Variants in TTC27 observed in about 807,000 individuals in gnomAD.
TTC27 encodes tetratricopeptide repeat protein 27.
A neutral mutation model predicts 115.9 loss-of-function variants in TTC27; 79 were observed. The ratio of observed to expected loss-of-function variants is 0.68; its 90% CI spans 0.57 to 0.82. The LOEUF is 0.82. Ranked by LOEUF, TTC27 falls within the 40% of genes least tolerant of loss-of-function variation. The pLI, the probability that TTC27 is intolerant of heterozygous loss-of-function variation, is 0.00. For synonymous variants in TTC27, 401 were observed against 356.0 expected (o/e 1.13, Z -1.42); for missense variants, 1,054 against 993.1 (o/e 1.06, Z -0.82).
At chr2:32,631,145 A>G (rs1347138733) in intron 2 of TTC27, among the ~76,000 whole-genome samples, 2 of 152,170 alleles carry the variant, frequency 1.3e-5, no homozygotes. Flanking sequence ...CTATACAAAA[A>G]TACAAAAATT....
At chr2:32,737,525 G>T (rs1668487100) in intron 12 of TTC27, among the ~76,000 whole-genome samples, 1 of 152,086 alleles carries the variant, frequency 6.6e-6, no homozygotes, top group Admixed American at 6.5e-5. Context: ...TCAACCTTTT[G>T]CCATCACCCT....
chr2:32,645,655 C>G, intron 4 of TTC27, among the ~76,000 whole-genome samples: 1 of 152,154 alleles, frequency 6.6e-6, no homozygotes, highest in East Asian at 1.9e-4. Context: ...CCCATTAACT[C>G]GTCATTTAGC....
intron 12 of TTC27, among the ~76,000 whole-genome samples, chr2:32,748,922 A>G (rs1668919404): frequency 6.6e-6 from 1 of 152,066 alleles, no homozygotes; most frequent in Non-Finnish European, 1.5e-5. Context: ...TCCTGACCTC[A>G]GGAGATCTGC....
At chr2:32,780,252 C>G (rs1344114218) in intron 14 of TTC27, 1 of 275,736 alleles carries the variant, frequency 3.6e-6, no homozygotes, top group Non-Finnish European at 7.7e-6. Context: ...AAGGGGAGTA[C>G]TGCCATCTTA....
At chr2:32,766,203 A>G in intron 13 of TTC27, among the ~76,000 whole-genome samples, 1 of 152,180 alleles carries the variant, frequency 6.6e-6, no homozygotes, top group East Asian at 1.9e-4. Flanking sequence ...ATATTTATGG[A>G]GTACAATTTT....
chr2:32,633,323 G>A (rs1244563804), intron 2 of TTC27, among the ~76,000 whole-genome samples: 1 of 152,092 alleles, frequency 6.6e-6, no homozygotes, highest in African/African-American at 2.4e-5. Flanking sequence ...TATGACTAAG[G>A]AACTGAATTA....
chr2:32,782,749 A>G (rs1180194631), intron 15 of TTC27, 71 bp downstream of exon 15: 2 of 1,247,518 alleles, frequency 1.6e-6, no homozygotes, highest in Non-Finnish European at 2.3e-6. Context: ...ACAACTGAAC[A>G]TTGTTTCAAT....
intron 13 of TTC27, among the ~76,000 whole-genome samples, chr2:32,762,654 G>A (rs1190082807): frequency 6.6e-6 from 1 of 151,272 alleles, no homozygotes; most frequent in East Asian, 1.9e-4. Flanking sequence ...TGTTTTTTGA[G>A]ATGGAGTCTC....
intron 3 of TTC27, 109 bp from the exon 4 acceptor site, chr2:32,640,161 C>T: frequency 9.6e-7 from 1 of 1,036,596 alleles, no homozygotes; most frequent in South Asian, 1.7e-5. Context: ...TATATTAATG[C>T]TTTTGTTTCA....
chr2:32,763,097 A>G (rs934512088), intron 13 of TTC27, among the ~76,000 whole-genome samples: 4 of 152,250 alleles, frequency 2.6e-5, no homozygotes, highest in South Asian at 2.1e-4. Flanking sequence ...AGAAATGACA[A>G]TTGCTCAAAG....
rs1339841677 is a variant in TTC27, at chr2:32,668,758, A to T, written c.939+1990A>T. Among the ~76,000 whole-genome samples the T allele has an allele frequency of 3.3e-5, 5 of 152,050 alleles. No individual in the cohort carries two copies. The East Asian group carries it at 9.7e-4, about 29-fold the overall frequency. On this transcript the variant is annotated intron_variant, in intron 7 of 19. Coordinates refer to ENST00000317907, the MANE Select transcript of TTC27 (RefSeq NM_017735.5). The stretch of plus-strand genomic sequence containing the variant: ...CATTTTTAATATATTACATGTGGCT[A>T]TCAGAAATTTTTTCAGAATTATTTT...
chr2:32,767,807 A>G (rs1669690615), intron 13 of TTC27, among the ~76,000 whole-genome samples: 1 of 152,198 alleles, frequency 6.6e-6, no homozygotes, highest in African/African-American at 2.4e-5. Flanking sequence ...AATATGTTCT[A>G]TTTAGCAGAA....
chr2:32,789,445 A>G (rs1670456084), intron 16 of TTC27, among the ~76,000 whole-genome samples: 1 of 152,148 alleles, frequency 6.6e-6, no homozygotes, highest in South Asian at 2.1e-4. Context: ...GTGTAGGGAG[A>G]GAGGTGATAT....
At chr2:32,692,036 G>GTTTTTTTTTTTGTTTTT (rs1666831349) in intron 9 of TTC27, among the ~76,000 whole-genome samples, 2 of 61,188 alleles carry the variant, frequency 3.3e-5, no homozygotes, top group Non-Finnish European at 5.8e-5. Flanking sequence ...AATTTTTTAG[G>GTTTTTTTTTTTGTTTTT]TTTTTTTTTT....
chr2:32,700,794 C>T (rs752578862), intron 9 of TTC27, among the ~76,000 whole-genome samples: 3 of 152,206 alleles, frequency 2.0e-5, no homozygotes, highest in Admixed American at 6.5e-5. Context: ...CCCGCGTCAG[C>T]CTCCCAAAGT....
chr2:32,708,216 A>G (rs1667443517), intron 10 of TTC27, among the ~76,000 whole-genome samples: 1 of 151,812 alleles, frequency 6.6e-6, no homozygotes. Context: ...TTAAGGAGGA[A>G]GACCTTTATG....
chr2:32,741,452 G>A (rs1299705017), intron 12 of TTC27, among the ~76,000 whole-genome samples: 1 of 151,222 alleles, frequency 6.6e-6, no homozygotes. Flanking sequence ...GGCCATCCTG[G>A]CTAATATGGT....
At chr2:32,708,398 G>A (rs913957802) in intron 10 of TTC27, among the ~76,000 whole-genome samples, 7 of 135,486 alleles carry the variant, frequency 5.2e-5, no homozygotes, top group African/African-American at 1.7e-4. Context: ...TACATTCTCC[G>A]CCTCCTGGGT....
chr2:32,630,841 A>G (rs933107069), intron 2 of TTC27, 141 bp downstream of exon 2: 1 of 711,084 alleles, frequency 1.4e-6, no homozygotes, highest in Non-Finnish European at 2.2e-6. Context: ...CAAGTAATCT[A>G]TGTAAAAACT....
Sources: allele counts gnomAD v4.1 joint callset (sites outside exome capture counted in the v4.1 genomes callset), GRCh38; gene constraint gnomAD v4.1.1; transcripts MANE v1.5; gene names NCBI Gene and HGNC (gene_info 2026-07-23, HGNC 2026-07-21).